Variants in TXNRD3 observed in about 807,000 individuals in gnomAD.
TXNRD3 encodes the protein TXNRD3 neighbor gene protein.
TXNRD3 carries 68 observed loss-of-function variants against 78.2 expected under a neutral mutation model. That is an observed-to-expected ratio of 0.87 (90% CI 0.72 to 1.06). The LOEUF (loss-of-function observed/expected upper bound fraction) is 1.06, where lower values mean the gene tolerates loss of function less well. Ranked by LOEUF, TXNRD3 falls within the 50% of genes least tolerant of loss-of-function variation. The pLI, the probability that TXNRD3 is intolerant of heterozygous loss-of-function variation, is 0.00. For missense variants in TXNRD3, 751 were observed against 809.5 expected, an observed-to-expected ratio of 0.93 and a Z score of 0.88; for synonymous variants, 296 against 300.1, an observed-to-expected ratio of 0.99 and a Z score of 0.14.
chr3:126,652,666 T>C (rs1278069497), intron 1 of TXNRD3, among the ~76,000 whole-genome samples: 1 of 152,202 alleles, frequency 6.6e-6, no homozygotes, highest in African/African-American at 2.4e-5. Context: ...ATTTTCCCAG[T>C]CACAGAGAGT....
chr3:126,613,996 A>T (rs911103916), intron 13 of TXNRD3, among the ~76,000 whole-genome samples: 1 of 152,226 alleles, frequency 6.6e-6, no homozygotes, highest in Non-Finnish European at 1.5e-5. Flanking sequence ...TACCCCTGGG[A>T]CAGGATGTGG....
At chr3:126,621,954 G>T (rs1257563130) in intron 11 of TXNRD3, 56 bp from the exon 12 acceptor site, 3 of 1,362,050 alleles carry the variant, frequency 2.2e-6, no homozygotes, top group Non-Finnish European at 2.9e-6. Context: ...TACACTGCTG[G>T]CTGACTAATA....
chr3:126,640,094 CTTTTTT>C (rs747114940), intron 6 of TXNRD3, among the ~76,000 whole-genome samples: 1 of 14,320 alleles, frequency 7.0e-5, no homozygotes, highest in Non-Finnish European at 2.1e-4. Flanking sequence ...CTTGTGTTTT[CTTTTTT>C]TTTTTTTTTT....
Position 126,642,075 on chromosome 3 carries a change from T to C in TXNRD3, c.669A>G (p.Ala223=), listed in dbSNP as rs1160022033. The C allele has an allele frequency of 6.5e-7, 1 of 1,536,228 alleles. No individual in the cohort carries two copies. The highest frequency in any genetic ancestry group is 2.0e-5 in the Admixed American group (1 of 50,994). ...AGCCAAATTTCCTTGAGTCACATAA[T>C]GCCTGCCCCAAAAGGGCAGCCTGAT... The change falls in exon 6 of 16, where the codon GCA becomes GCG. Residue 223 remains alanine, a synonymous_variant. Transcript: ENST00000524230.
intron 6 of TXNRD3, among the ~76,000 whole-genome samples, chr3:126,639,754 A>G (rs889819105): frequency 3.3e-5 from 5 of 151,904 alleles, no homozygotes; most frequent in African/African-American, 9.7e-5. Flanking sequence ...TATTTTTTGT[A>G]GAGTAATTTT....
intron 9 of TXNRD3, 78 bp from the exon 10 acceptor site, chr3:126,629,549 G>T: frequency 3.6e-6 from 4 of 1,106,532 alleles, no homozygotes; most frequent in Non-Finnish European, 2.6e-6. Context: ...ACACCGGTAT[G>T]TTCGTGTACA....
intron 7 of TXNRD3, among the ~76,000 whole-genome samples, chr3:126,633,360 T>C (rs1347858479): frequency 3.9e-5 from 6 of 152,180 alleles, no homozygotes; most frequent in Admixed American, 2.6e-4. Flanking sequence ...GCTAACAAAG[T>C]ACAAAAATAA....
intron 6 of TXNRD3, among the ~76,000 whole-genome samples, chr3:126,637,940 T>C (rs1932948125): frequency 3.6e-5 from 4 of 110,118 alleles, no homozygotes; most frequent in African/African-American, 6.6e-5. Context: ...CTCTTTTTTT[T>C]TTTTTTTTTT....
chr3:126,655,065 G>C lies in TXNRD3; in HGVS notation c.-75C>G, dbSNP rs1054350971. ...GCAGGCGGCTGCGGCGCCGGGACGG[G>C]GCCTGAGGGGCGGCGAACGCTGCCC... On this transcript the variant is annotated 5_prime_UTR_variant, in exon 1 of 16. Transcript: ENST00000524230. 2 of 1,299,496 alleles carry C rather than the reference G, an allele frequency of 1.5e-6. No individual in the cohort carries two copies. The highest frequency in any genetic ancestry group is 2.0e-6 in the Non-Finnish European group (2 of 1,025,132). The allele number at this position is 1,299,496 out of a possible 1,614,324, so 80.5% of individuals were successfully genotyped here.
chr3:126,643,923 C>A, intron 5 of TXNRD3, 58 bp downstream of exon 5: 1 of 1,446,340 alleles, frequency 6.9e-7, no homozygotes, highest in Non-Finnish European at 9.3e-7. Context: ...AATGAGATTA[C>A]ATAAAGCAAA....
At chr3:126,652,678 T>G (rs1252445991) in intron 1 of TXNRD3, among the ~76,000 whole-genome samples, 1 of 152,178 alleles carries the variant, frequency 6.6e-6, no homozygotes, top group Non-Finnish European at 1.5e-5. Flanking sequence ...ACAGAGAGTG[T>G]GGGTGTGTGT....
At chr3:126,637,050 G>A (rs1371196823) in intron 6 of TXNRD3, among the ~76,000 whole-genome samples, 9 of 152,112 alleles carry the variant, frequency 5.9e-5, no homozygotes, top group African/African-American at 2.2e-4. Context: ...AATTATACAG[G>A]AAGTGCCTGT....
intron 6 of TXNRD3, among the ~76,000 whole-genome samples, chr3:126,641,272 C>T (rs949742674): frequency 6.6e-6 from 1 of 152,086 alleles, no homozygotes; most frequent in African/African-American, 2.4e-5. Context: ...GAATCACAGC[C>T]GTGGCTCATG....
intron 12 of TXNRD3, among the ~76,000 whole-genome samples, chr3:126,621,071 G>A (rs566907518): frequency 3.3e-5 from 5 of 152,248 alleles, no homozygotes; most frequent in Non-Finnish European, 5.9e-5. Flanking sequence ...AGGTCTCTGC[G>A]TCCTTAGCCG....
chr3:126,633,851 G>A (rs1034549127), intron 7 of TXNRD3, 58 bp downstream of exon 7: 3 of 1,361,352 alleles, frequency 2.2e-6, no homozygotes, highest in Non-Finnish European at 2.9e-6. Context: ...TTAGTTGAAG[G>A]CAAGTATAAA....
intron 1 of TXNRD3, among the ~76,000 whole-genome samples, chr3:126,651,816 A>G: frequency 6.6e-6 from 1 of 152,212 alleles, no homozygotes; most frequent in Non-Finnish European, 1.5e-5. Context: ...TCCTATTACT[A>G]ATATCAATCC....
At chr3:126,635,310 A>G (rs887707267) in intron 6 of TXNRD3, among the ~76,000 whole-genome samples, 4 of 152,134 alleles carry the variant, frequency 2.6e-5, no homozygotes, top group African/African-American at 9.7e-5. Flanking sequence ...TCATAATGGG[A>G]ATCATGTGGA....
At chr3:126,645,199 G>A (rs955113166) in intron 3 of TXNRD3, among the ~76,000 whole-genome samples, 1 of 152,120 alleles carries the variant, frequency 6.6e-6, no homozygotes. Flanking sequence ...TTCTAAAAAG[G>A]GTCCCTATGG....
intron 12 of TXNRD3, among the ~76,000 whole-genome samples, chr3:126,619,148 A>T (rs147024615): frequency 1.3e-5 from 2 of 152,342 alleles, no homozygotes; most frequent in African/African-American, 2.4e-5. Flanking sequence ...TATGGAACAC[A>T]GTATGGAGGG....
Sources: allele counts gnomAD v4.1 joint callset (sites outside exome capture counted in the v4.1 genomes callset), GRCh38; gene constraint gnomAD v4.1.1; transcripts MANE v1.5; gene names NCBI Gene and HGNC (gene_info 2026-07-23, HGNC 2026-07-21).